Variants in CNTNAP1 observed in about 807,000 individuals in gnomAD.
The protein encoded by CNTNAP1 is contactin-associated protein 1.
In CNTNAP1, 80 loss-of-function variants were observed where a neutral mutation model predicts 161.5. That is an observed-to-expected ratio of 0.50 (90% CI 0.41 to 0.60). The LOEUF is 0.60. CNTNAP1 is among the 20% of genes least tolerant of loss of function. The probability of loss-of-function intolerance (pLI) is 0.00; values close to 1 mark genes in which losing one functional copy is unlikely to be tolerated. For missense variants in CNTNAP1, 1,464 were observed against 1,854.8 expected (o/e 0.79, Z 3.87); for synonymous variants, 695 against 733.1 (o/e 0.95, Z 0.84).
intron 8 of CNTNAP1, 122 bp downstream of exon 8, chr17:42,688,103 C>T: frequency 7.3e-7 from 1 of 1,366,032 alleles, no homozygotes; most frequent in Non-Finnish European, 9.8e-7. Flanking sequence ...GGGGGCAGGG[C>T]AGGAGGCCCC....
In CNTNAP1 at chr17:42,689,394, G is replaced by A. The variant is rs1488083058; in HGVS notation, c.1629-127G>A. ...CCTGCATCTGCGCTTATACCCGGCT[G>A]GCTAGGCGGGGTGTGTCTCACCGGG... On this transcript the variant is annotated intron_variant, in intron 10 of 23. Coordinates refer to ENST00000264638, the MANE Select transcript of CNTNAP1 (RefSeq NM_003632.3). The A allele has an allele frequency of 1.1e-5, 8 of 700,408 alleles. No homozygotes were observed. In the African/African-American group the frequency reaches 1.4e-4, roughly 12 times the overall value. The allele number at this position is 700,408 out of a possible 1,614,324, so 43.4% of individuals were successfully genotyped here. A position where few individuals can be genotyped will look rare whatever the true frequency, so the allele number is the denominator to read the frequency against.
rs926670629 is a variant in CNTNAP1, at chr17:42,688,586, G to A, written c.1431G>A (p.Arg477=). The A allele has an allele frequency of 6.2e-7, 1 of 1,614,204 alleles. No homozygotes were observed. Among genetic ancestry groups the A allele is most frequent in the South Asian group, 1.1e-5 (1 of 91,086 alleles). The stretch of plus-strand genomic sequence containing the variant: ...GGGTCTCATACCCGTTGCTGATCCG[G>A]ACAGGGACCTCATATTTCTTTGGGG... ...EVRVSYPLLI[R]TGTSYFFGGC... Residue 477 remains arginine, a synonymous_variant, in exon 9 of 24, where the codon CGG becomes CGA. Coordinates refer to ENST00000264638, the MANE Select transcript of CNTNAP1 (RefSeq NM_003632.3).
intron 6 of CNTNAP1, 46 bp downstream of exon 6, chr17:42,686,187 ATGAG>A (rs779610506): frequency 3.2e-6 from 5 of 1,585,822 alleles, no homozygotes; most frequent in Non-Finnish European, 3.5e-6. Flanking sequence ...TAGATGCTGG[ATGAG>A]TGAGTGCAGG....
Position 42,693,542 on chromosome 17 carries a change from T to C in CNTNAP1, c.2992+6T>C. The stretch of plus-strand genomic sequence containing the variant: ...TGGGCCATACTGCAACCACGGTAAG[T>C]GCTGCTGGTTATGGGGCAACAGGGA... On this transcript the variant is annotated splice_donor_region_variant and intron_variant, in intron 18 of 23. Transcript: ENST00000264638. 1 of 1,610,826 alleles carries C rather than the reference T, an allele frequency of 6.2e-7. No homozygotes were observed. Among genetic ancestry groups the C allele is most frequent in the Non-Finnish European group, 8.5e-7 (1 of 1,177,218 alleles).
chr17:42,686,103 C>A lies in CNTNAP1; in HGVS notation c.862C>A (p.Leu288Ile). 1.2e-6 allele frequency: 2 copies of A among 1,614,180 alleles called. No homozygotes were observed. The highest frequency in any genetic ancestry group is 1.7e-6 in the Non-Finnish European group (2 of 1,180,042). The change falls in exon 6 of 24, where the codon CTC becomes ATC. Residue 288 changes from leucine (L) to isoleucine (I), a missense_variant. By Grantham distance (5) the Leu-to-Ile change is conservative. Around this residue, in one of 3 missense-constraint regions of CNTNAP1, gnomAD observed 1,383 missense variants for 1,765.0 expected, o/e 0.78. Coordinates refer to ENST00000264638, the MANE Select transcript of CNTNAP1 (RefSeq NM_003632.3). ...TLDGYVQRFI[L>I]NGDFERLNLD... ...GGACGGCTATGTGCAGCGCTTTATTCTCAATGGAGACTTCGAGAGGCTGAA... is the reference window on the plus strand; with the variant it reads ...GGACGGCTATGTGCAGCGCTTTATTATCAATGGAGACTTCGAGAGGCTGAA...
Position 42,687,562 on chromosome 17 carries a change from G to A in CNTNAP1, c.1045-158G>A. ...TGGGGCCCCCTCCACAGATGGACGA[G>A]CTTGGAGGGGAAGAGGTCACGTCAT... On this transcript the variant is annotated intron_variant, in intron 7 of 23. Coordinates refer to ENST00000264638, the MANE Select transcript of CNTNAP1 (RefSeq NM_003632.3). This position sits in a 1 kb window ranked among gnomAD's most constrained non-coding sequence, Gnocchi z 4.7. The A allele has an allele frequency of 3.1e-6, 3 of 976,298 alleles. No homozygotes were observed. The highest frequency in any genetic ancestry group is 4.6e-6 in the Non-Finnish European group (3 of 656,356). The allele number at this position is 976,298 out of a possible 1,614,324, so 60.5% of individuals were successfully genotyped here. A position where few individuals can be genotyped will look rare whatever the true frequency, so the allele number is the denominator to read the frequency against.
In CNTNAP1 at chr17:42,691,631, T is replaced by C; in HGVS notation, c.2344+120T>C. 2.1e-6 allele frequency: 3 copies of C among 1,448,764 alleles called. No homozygotes were observed. The highest frequency in any genetic ancestry group is 1.4e-5 in the African/African-American group (1 of 71,260). 89.7% of individuals were successfully genotyped at this position (1,448,764 alleles called of 1,614,324 possible). ...GCCCGACCCCCAGCTCCTGCTGTGA[T>C]GCGATCTCATTACCCCTCTGCACCT... On this transcript the variant is annotated intron_variant, in intron 15 of 23. Transcript: ENST00000264638. This position sits in a 1 kb window ranked among gnomAD's most constrained non-coding sequence, Gnocchi z 4.3.
At position 42,698,497 on chromosome 17, in the gene CNTNAP1, AGTGT is replaced by A. The variant is rs147266253; in HGVS notation, c.3863-116_3863-113del. ...TGTGTGTGTGCAGGTGAAATCCCAA[AGTGT>A]GTGTATGTATACAGGTGAAATCTCA... On this transcript the variant is annotated intron_variant, in intron 23 of 23. Coordinates refer to ENST00000264638, the MANE Select transcript of CNTNAP1 (RefSeq NM_003632.3). The A allele has an allele frequency of 5.2e-4, 399 of 767,504 alleles. 1 individual carries two copies. Among genetic ancestry groups the A allele is most frequent in the Middle Eastern group, 2.3e-3 (6 of 2,626 alleles). The allele number at this position is 767,504 out of a possible 1,614,324, so 47.5% of individuals were successfully genotyped here. A position where few individuals can be genotyped will look rare whatever the true frequency, so the allele number is the denominator to read the frequency against.
intron 16 of CNTNAP1, 77 bp downstream of exon 16, chr17:42,692,068 G>C: frequency 2.0e-6 from 3 of 1,482,378 alleles, no homozygotes; most frequent in Non-Finnish European, 2.8e-6. Context: ...GCTGGGGTTG[G>C]AGCCAAGGGC....
At chr17:42,686,636 TAA>T (rs1425703715) in intron 6 of CNTNAP1, among the ~76,000 whole-genome samples, 2 of 152,208 alleles carry the variant, frequency 1.3e-5, no homozygotes, top group Admixed American at 1.3e-4. Context: ...GTGGAGTTGT[TAA>T]AGACCCTGAC....
intron 18 of CNTNAP1, 73 bp downstream of exon 18, chr17:42,693,609 A>G: frequency 6.4e-7 from 1 of 1,568,868 alleles, no homozygotes; most frequent in Non-Finnish European, 8.7e-7. Flanking sequence ...AGGGAAGGAA[A>G]TAGCATGTAA....
chr17:42,698,865 G>A lies in CNTNAP1; in HGVS notation c.4110G>A (p.Arg1370=), dbSNP rs1597814134. Residue 1370 remains arginine, a synonymous_variant, in exon 24 of 24, where the codon CGG becomes CGA. Transcript: ENST00000264638. ...APTPAPAPGP[R]DQNLPQILEE... is the part of the protein sequence containing the mutation. ...CTCCAGCCCCAGCCCCTGGCCCCCG[G>A]GATCAGAACCTACCCCAGATCCTGG... 1.9e-6 allele frequency: 3 copies of A among 1,582,440 alleles called. No individual in the cohort carries two copies. In the East Asian group the frequency reaches 6.7e-5, roughly 35 times the overall value.
At chr17:42,694,416 C>T (rs141368444) in intron 18 of CNTNAP1, among the ~76,000 whole-genome samples, 1,683 of 152,190 alleles carry the variant, frequency 0.011, 26 homozygotes, top group African/African-American at 0.038. Flanking sequence ...AGGTGATCCA[C>T]CCACCTTGGC....
Position 42,688,902 on chromosome 17 carries a change from G to T in CNTNAP1, c.1483G>T (p.Asp495Tyr). 6.2e-7 allele frequency: 1 copy of T among 1,614,086 alleles called. No individual in the cohort carries two copies. Among genetic ancestry groups the T allele is most frequent in the South Asian group, 1.1e-5 (1 of 91,086 alleles). ...TTGTCCCAAGCCAGCCAGTCGATGG[G>T]ACTGCCACTCCAACCAGACGGCATT... is the stretch of plus-strand genomic sequence containing the variant. Reference protein sequence around the residue: ...GGCPKPASRWDCHSNQTAFHG... With the variant: ...GGCPKPASRWYCHSNQTAFHG... The change falls in exon 10 of 24, where the codon GAC (aspartate) becomes TAC (tyrosine). Residue 495 changes from aspartate (D) to tyrosine (Y), a missense_variant. By Grantham distance (160) the Asp-to-Tyr change is radical. Coordinates refer to ENST00000264638, the MANE Select transcript of CNTNAP1 (RefSeq NM_003632.3).
rs2143681083 is a variant in CNTNAP1, at chr17:42,698,054, T to C, written c.3862+104T>C. On this transcript the variant is annotated intron_variant, in intron 23 of 23. Coordinates refer to ENST00000264638, the MANE Select transcript of CNTNAP1 (RefSeq NM_003632.3). ...CAAGGCTGCAGGATGGCAAAGGCAC[T>C]AGATGCACAATGGCACAAAGGATGA... 2.4e-6 allele frequency: 3 copies of C among 1,262,886 alleles called. No individual in the cohort carries two copies. In the East Asian group the frequency reaches 6.9e-5, roughly 29 times the overall value. 78.2% of individuals were successfully genotyped at this position (1,262,886 alleles called of 1,614,324 possible).
intron 1 of CNTNAP1, chr17:42,683,441 G>A: frequency 9.1e-7 from 1 of 1,100,422 alleles, no homozygotes; most frequent in South Asian, 2.8e-5. Flanking sequence ...GCAGGTTTTG[G>A]GGGCCGAGTT....
rs775901839 is a variant in CNTNAP1, at chr17:42,697,276, G to T, written c.3477G>T (p.Val1159=). 1 of 1,611,904 alleles carries T rather than the reference G, an allele frequency of 6.2e-7. No homozygotes were observed. The highest frequency in any genetic ancestry group is 2.2e-5 in the East Asian group (1 of 44,836). ...TRVYRNLFIQ[V]DYFPLTEQKF... ...CCCCCTCCCCCTCCCCACCTCAGGT[G>T]GACTACTTCCCACTGACAGAGCAGA... The change falls in exon 21 of 24, where the codon GTG becomes GTT. Residue 1159 remains valine (V), a splice_region_variant and synonymous_variant. Coordinates refer to ENST00000264638, the MANE Select transcript of CNTNAP1 (RefSeq NM_003632.3).
At chr17:42,686,250 G>A in intron 6 of CNTNAP1, 109 bp downstream of exon 6, 2 of 1,160,740 alleles carry the variant, frequency 1.7e-6, no homozygotes, top group South Asian at 1.4e-5. Flanking sequence ...GAAAGACCTG[G>A]CATTCAGGCT....
chr17:42,697,547 C>T lies in CNTNAP1; in HGVS notation c.3569-7C>T, dbSNP rs768711650. 4.9e-5 allele frequency: 79 copies of T among 1,613,798 alleles called. No individual in the cohort carries two copies. The South Asian group carries it at 8.6e-4, about 17-fold the overall frequency. On this transcript the variant is annotated splice_polypyrimidine_tract_variant and splice_region_variant and intron_variant, in intron 21 of 23. Transcript: ENST00000264638. ...AGTCCCTCTTTCTGGGCCTGCCTCTCTCTCAGAGACAGGAGTCATTGACCC... is the reference window on the plus strand; with the variant it reads ...AGTCCCTCTTTCTGGGCCTGCCTCTTTCTCAGAGACAGGAGTCATTGACCC...
Sources: gnomAD v4.1 joint callset for allele counts (sites outside exome capture counted in the v4.1 genomes callset) on GRCh38, gnomAD v4.1.1 for gene constraint, gnomAD v4.1.1 regional missense constraint, Gnocchi (gnomAD v3.1) non-coding constraint, MANE v1.5 for transcripts, NCBI Gene and HGNC (gene_info 2026-07-23, HGNC 2026-07-21) for gene names.